SLC24A3: variants seen among roughly 807,000 people sequenced by gnomAD.
SLC24A3 encodes sodium/potassium/calcium exchanger 3.
SLC24A3 carries 28 observed loss-of-function variants against 75.8 expected under a neutral mutation model. The observed-to-expected ratio is 0.37, with a 90% CI of 0.27 to 0.51. SLC24A3 has a LOEUF of 0.51. SLC24A3 is among the 20% of genes least tolerant of loss of function. SLC24A3 has a pLI of 0.94. For synonymous variants in SLC24A3, 372 were observed against 334.1 expected, an observed-to-expected ratio of 1.11 and a Z score of -1.24; for missense variants, 663 against 847.8, an observed-to-expected ratio of 0.78 and a Z score of 2.71.
At position 19,721,294 on chromosome 20, in the gene SLC24A3, C is replaced by A; in HGVS notation, c.*154C>A. On this transcript the variant is annotated 3_prime_UTR_variant, in exon 17 of 17. Coordinates refer to ENST00000328041, the MANE Select transcript of SLC24A3 (RefSeq NM_020689.4). ...TCCTGTTTTGGTGGCCCAGGCTCTC[C>A]CCTGACCCATCCTCGCTCCCCCACC... The A allele has an allele frequency of 1.1e-6, 1 of 926,986 alleles. No homozygotes were observed. The highest frequency in any genetic ancestry group is 3.3e-4 in the Middle Eastern group (1 of 2,990). The allele number at this position is 926,986 out of a possible 1,614,324, so 57.4% of individuals were successfully genotyped here.
chr20:19,273,995 G>A (rs371978955), intron 1 of SLC24A3, among the ~76,000 whole-genome samples: 3 of 151,084 alleles, frequency 2.0e-5, no homozygotes, highest in East Asian at 4.1e-4. Flanking sequence ...GAGAAGGCAC[G>A]AAGTGCCCTG....
At chr20:19,639,557 C>T (rs973251734) in intron 6 of SLC24A3, among the ~76,000 whole-genome samples, 3 of 152,262 alleles carry the variant, frequency 2.0e-5, no homozygotes, top group Admixed American at 2.0e-4. Flanking sequence ...AGGAGCCCAG[C>T]TGGCTTCACC....
chr20:19,378,638 C>T (rs1568603692), intron 2 of SLC24A3, among the ~76,000 whole-genome samples: 1 of 152,130 alleles, frequency 6.6e-6, no homozygotes, highest in East Asian at 1.9e-4. Context: ...CTTTCCTTTA[C>T]CTTCCACCCA....
intron 9 of SLC24A3, among the ~76,000 whole-genome samples, chr20:19,676,769 C>T (rs1311410261): frequency 1.3e-5 from 2 of 152,144 alleles, no homozygotes; most frequent in African/African-American, 4.8e-5. Context: ...CATGCCTGGC[C>T]TTGGCAAGGA....
At chr20:19,679,496 A>AGAGATGGAGAGG (rs1306732651) in intron 9 of SLC24A3, among the ~76,000 whole-genome samples, 4 of 81,464 alleles carry the variant, frequency 4.9e-5, no homozygotes, top group African/African-American at 7.3e-5. Flanking sequence ...GACCGTGGAA[A>AGAGATGGAGAGG]GAGACGGAGA....
intron 2 of SLC24A3, among the ~76,000 whole-genome samples, chr20:19,301,852 A>T (rs1984204415): frequency 6.6e-6 from 1 of 152,204 alleles, no homozygotes. Context: ...TTGTGAAAAG[A>T]TTGGACCTCA....
rs190059124 is a variant in SLC24A3, at chr20:19,347,355, C to T, written c.271+66268C>T. Among the ~76,000 whole-genome samples, 125 of 152,248 alleles carry T rather than the reference C, an allele frequency of 8.2e-4. 1 individual carries two copies. The highest frequency in any genetic ancestry group is 2.6e-3 in the Admixed American group (40 of 15,310). On this transcript the variant is annotated intron_variant, in intron 2 of 16. Coordinates refer to ENST00000328041, the MANE Select transcript of SLC24A3 (RefSeq NM_020689.4). ...TAAAATGTAGAACATCAAAGGCTGACCCTAATGTTAGCCATGCACCTCAGT... is the reference window on the plus strand; with the variant it reads ...TAAAATGTAGAACATCAAAGGCTGATCCTAATGTTAGCCATGCACCTCAGT...
intron 2 of SLC24A3, among the ~76,000 whole-genome samples, chr20:19,321,683 A>T (rs1413435581): frequency 6.6e-6 from 1 of 152,220 alleles, no homozygotes; most frequent in Non-Finnish European, 1.5e-5. Context: ...GGGAGAGTGG[A>T]TAGAAGATGC....
chr20:19,627,032 T>A (rs934005260), intron 6 of SLC24A3, among the ~76,000 whole-genome samples: 3 of 152,192 alleles, frequency 2.0e-5, no homozygotes, highest in African/African-American at 7.2e-5. Flanking sequence ...CTACTGGAGA[T>A]CTGCAGATTG....
chr20:19,719,164 G>A (rs553549302), intron 16 of SLC24A3, among the ~76,000 whole-genome samples: 4 of 152,076 alleles, frequency 2.6e-5, no homozygotes, highest in Non-Finnish European at 5.9e-5. Context: ...AAAACCATTG[G>A]TGCTAATGAG....
intron 2 of SLC24A3, among the ~76,000 whole-genome samples, chr20:19,401,355 A>T (rs6035323): frequency 2.0e-5 from 3 of 152,204 alleles, no homozygotes; most frequent in African/African-American, 7.2e-5. Context: ...AGAGGAACCG[A>T]TGAAAGATTT....
chr20:19,584,423 G>A (rs565297140), intron 4 of SLC24A3, among the ~76,000 whole-genome samples: 6 of 152,260 alleles, frequency 3.9e-5, no homozygotes, highest in Non-Finnish European at 5.9e-5. Context: ...TACCATGAGC[G>A]TCATTTAGCC....
At chr20:19,654,588 A>G (rs2032243730) in intron 7 of SLC24A3, among the ~76,000 whole-genome samples, 1 of 148,872 alleles carries the variant, frequency 6.7e-6, no homozygotes, top group Admixed American at 6.7e-5. Flanking sequence ...TGGATAAAGA[A>G]CTCTCTACTA....
At chr20:19,494,199 C>T (rs149257557) in intron 2 of SLC24A3, among the ~76,000 whole-genome samples, 1 of 152,344 alleles carries the variant, frequency 6.6e-6, no homozygotes, top group East Asian at 1.9e-4. Flanking sequence ...GTTTGCCCAT[C>T]TATAGTCCAT....
chr20:19,527,087 G>T (rs11696394), intron 3 of SLC24A3, among the ~76,000 whole-genome samples: 87,515 of 151,516 alleles, frequency 0.58, 26,035 homozygotes, highest in Non-Finnish European at 0.66. Context: ...CAAAACCTTT[G>T]GTCTCCCTGA....
chr20:19,212,996 C>T lies in SLC24A3; in HGVS notation c.142+12C>T. 1 of 1,260,934 alleles carries T rather than the reference C, an allele frequency of 7.9e-7. No homozygotes were observed. The highest frequency in any genetic ancestry group is 1.0e-6 in the Non-Finnish European group (1 of 1,001,056). The allele number at this position is 1,260,934 out of a possible 1,614,324, so 78.1% of individuals were successfully genotyped here. A position where few individuals can be genotyped will look rare whatever the true frequency, so the allele number is the denominator to read the frequency against. On this transcript the variant is annotated intron_variant, in intron 1 of 16. Coordinates refer to ENST00000328041, the MANE Select transcript of SLC24A3 (RefSeq NM_020689.4). ...GCGAGAGCAGAAGGGTGAGTGCACG[C>T]TGCCTGCCCCGAGTGGGCGCTGCGG...
chr20:19,534,335 G>C (rs888921991), intron 3 of SLC24A3, among the ~76,000 whole-genome samples: 1 of 152,254 alleles, frequency 6.6e-6, no homozygotes, highest in Non-Finnish European at 1.5e-5. Flanking sequence ...CTGAGACCAA[G>C]AGAGGCAATC....
At chr20:19,556,828 C>T (rs2030795576) in intron 3 of SLC24A3, among the ~76,000 whole-genome samples, 1 of 152,188 alleles carries the variant, frequency 6.6e-6, no homozygotes, top group African/African-American at 2.4e-5. Context: ...GAAAACAACA[C>T]CAGGCAATCA....
At chr20:19,469,583 G>A (rs144993203) in intron 2 of SLC24A3, among the ~76,000 whole-genome samples, 2 of 152,294 alleles carry the variant, frequency 1.3e-5, no homozygotes, top group Non-Finnish European at 2.9e-5. Flanking sequence ...ACATCCAGTA[G>A]ACATCAGTGA....
Sources: gnomAD v4.1 joint callset for allele counts (sites outside exome capture counted in the v4.1 genomes callset) on GRCh38, gnomAD v4.1.1 for gene constraint, MANE v1.5 for transcripts, NCBI Gene and HGNC (gene_info 2026-07-23, HGNC 2026-07-21) for gene names.